The following BBX variants were observed in gnomAD, a reference collection of about 807,000 sequenced individuals.
BBX encodes the protein BBX high mobility group box domain containing.
Under a neutral mutation model 100.2 loss-of-function variants are expected in BBX, and 30 were observed. The ratio of observed to expected loss-of-function variants is 0.30; its 90% CI spans 0.22 to 0.41. The LOEUF is 0.41. Ranked by LOEUF, BBX falls within the 10% of genes least tolerant of loss-of-function variation. The pLI is 1.00. For synonymous variants in BBX, 376 were observed against 388.1 expected, an observed-to-expected ratio of 0.97 and a Z score of 0.37; for missense variants, 1,023 against 1,129.8, an observed-to-expected ratio of 0.91 and a Z score of 1.35.
At chr3:107,556,465 A>G (rs1184470512) in intron 2 of BBX, among the ~76,000 whole-genome samples, 4 of 152,156 alleles carry the variant, frequency 2.6e-5, no homozygotes, top group Admixed American at 2.6e-4. Flanking sequence ...GAAGTATTAC[A>G]TGTAAATGCT....
At chr3:107,668,498 A>G (rs1576259512) in intron 3 of BBX, among the ~76,000 whole-genome samples, 2 of 152,322 alleles carry the variant, frequency 1.3e-5, no homozygotes, top group African/African-American at 4.8e-5. Flanking sequence ...GGAGCTGCTC[A>G]ATAAACATTG....
chr3:107,619,995 T>A (rs1259069289), intron 2 of BBX, among the ~76,000 whole-genome samples: 1 of 152,216 alleles, frequency 6.6e-6, no homozygotes, highest in Non-Finnish European at 1.5e-5. Context: ...CTCTTTCTTC[T>A]CTCCTTTCTG....
intron 1 of BBX, among the ~76,000 whole-genome samples, chr3:107,524,990 G>A (rs888415861): frequency 1.4e-3 from 211 of 151,660 alleles, no homozygotes; most frequent in African/African-American, 4.3e-3. Flanking sequence ...GACTGGGACT[G>A]GGGTACTTTC....
intron 8 of BBX, among the ~76,000 whole-genome samples, chr3:107,746,187 G>A (rs1238948367): frequency 6.6e-6 from 1 of 152,090 alleles, no homozygotes; most frequent in African/African-American, 2.4e-5. Context: ...CAATATTTGT[G>A]TATTTCCCCT....
intron 13 of BBX, among the ~76,000 whole-genome samples, chr3:107,781,971 C>G (rs1025632531): frequency 6.6e-6 from 1 of 152,156 alleles, no homozygotes; most frequent in African/African-American, 2.4e-5. Context: ...ATAGTACTTT[C>G]AGTCTTACAG....
intron 3 of BBX, among the ~76,000 whole-genome samples, chr3:107,693,922 T>G (rs1487790567): frequency 6.6e-6 from 1 of 151,226 alleles, no homozygotes; most frequent in African/African-American, 2.5e-5. Flanking sequence ...ACATCCCTTG[T>G]AAGTTGGATT....
chr3:107,783,762 G>A (rs1489796426), intron 13 of BBX, among the ~76,000 whole-genome samples: 3 of 152,024 alleles, frequency 2.0e-5, no homozygotes, highest in Admixed American at 6.6e-5. Context: ...TGTAATATTA[G>A]TGTAGTATGT....
At chr3:107,548,360 G>A (rs1488476486) in intron 2 of BBX, among the ~76,000 whole-genome samples, 2 of 152,124 alleles carry the variant, frequency 1.3e-5, no homozygotes, top group African/African-American at 4.8e-5. Flanking sequence ...CTGTGTTTAT[G>A]TGTGTGTTCC....
intron 5 of BBX, among the ~76,000 whole-genome samples, chr3:107,728,331 A>G (rs955464297): frequency 2.6e-5 from 4 of 152,118 alleles, no homozygotes; most frequent in African/African-American, 4.8e-5. Flanking sequence ...CACTGGTGGT[A>G]TTATTCTCAG....
At chr3:107,708,211 C>T (rs1228055620) in intron 3 of BBX, among the ~76,000 whole-genome samples, 4 of 152,138 alleles carry the variant, frequency 2.6e-5, no homozygotes, top group Non-Finnish European at 5.9e-5. Context: ...ATTAAGAGCA[C>T]ACCAGATACC....
At chr3:107,587,181 A>G (rs1368039926) in intron 2 of BBX, among the ~76,000 whole-genome samples, 2 of 152,032 alleles carry the variant, frequency 1.3e-5, no homozygotes, top group Non-Finnish European at 2.9e-5. Context: ...CTAAACATAC[A>G]AAAAAATTAG....
At chr3:107,740,805 A>G (rs1201041247) in intron 7 of BBX, among the ~76,000 whole-genome samples, 1 of 151,664 alleles carries the variant, frequency 6.6e-6, no homozygotes, top group Non-Finnish European at 1.5e-5. Flanking sequence ...ACCTGTTCCC[A>G]CACAGAGTGA....
chr3:107,646,536 T>G (rs2057530746), intron 3 of BBX, among the ~76,000 whole-genome samples: 1 of 152,130 alleles, frequency 6.6e-6, no homozygotes, highest in African/African-American at 2.4e-5. Context: ...TTTTTTTAAC[T>G]TTAATGTATG....
intron 2 of BBX, among the ~76,000 whole-genome samples, chr3:107,564,426 T>C (rs1482491765): frequency 6.6e-6 from 1 of 152,224 alleles, no homozygotes; most frequent in African/African-American, 2.4e-5. Flanking sequence ...TTTTTCCCTT[T>C]TTATGTCTTT....
intron 5 of BBX, among the ~76,000 whole-genome samples, chr3:107,724,510 A>G (rs2062776628): frequency 6.6e-6 from 1 of 152,130 alleles, no homozygotes; most frequent in Non-Finnish European, 1.5e-5. Context: ...GCTATTGCCT[A>G]GGTTTTCTTC....
Position 107,686,525 on chromosome 3 carries a change from A to G in BBX, c.-9-23927A>G, listed in dbSNP as rs577424380. Among the ~76,000 whole-genome samples the G allele has an allele frequency of 2.7e-4, 41 of 152,248 alleles. No homozygotes were observed. In the South Asian group the frequency reaches 5.4e-3, roughly 20 times the overall value. On this transcript the variant is annotated intron_variant, in intron 3 of 17. Transcript: ENST00000325805. ...TAAAACTGTTTTGGAAGATAGTTGA[A>G]ATAGTGACAGTAGTTGTCTGGACTT...
chr3:107,523,158 T>A (rs2047477134), intron 1 of BBX, 51 bp downstream of exon 1: 1 of 167,588 alleles, frequency 6.0e-6, no homozygotes, highest in Non-Finnish European at 1.3e-5. Flanking sequence ...CCTCACTTTC[T>A]GTTTTCCTAC....
At chr3:107,686,442 T>C (rs1032836238) in intron 3 of BBX, among the ~76,000 whole-genome samples, 1 of 152,026 alleles carries the variant, frequency 6.6e-6, no homozygotes, top group African/African-American at 2.4e-5. Flanking sequence ...TTTTTTTTTT[T>C]CTTCTGGTGA....
rs1255793490 is a variant in BBX, at chr3:107,808,639, ATTTG to A, written c.*3187_*3190del. The A allele has an allele frequency of 3.3e-5, 5 of 152,160 alleles. No homozygotes were observed. The highest frequency in any genetic ancestry group is 5.9e-5 in the Non-Finnish European group (4 of 68,022). The allele number at this position is 152,160 out of a possible 1,614,324, so 9.4% of individuals were successfully genotyped here. A position where few individuals can be genotyped will look rare whatever the true frequency, so the allele number is the denominator to read the frequency against. On this transcript the variant is annotated 3_prime_UTR_variant, in exon 18 of 18. Coordinates refer to ENST00000325805, the MANE Select transcript of BBX (RefSeq NM_001142568.3). ...ACTGTAAGACATCCTTAAAGTTTTTATTTGTTTGGGTACTGTATATGAGATCAGG... is the reference window on the plus strand; with the variant it reads ...ACTGTAAGACATCCTTAAAGTTTTTATTTGGGTACTGTATATGAGATCAGG...
Sources: gnomAD v4.1 joint callset for allele counts (sites outside exome capture counted in the v4.1 genomes callset) on GRCh38, gnomAD v4.1.1 for gene constraint, MANE v1.5 for transcripts, NCBI Gene and HGNC (gene_info 2026-07-23, HGNC 2026-07-21) for gene names.